Variants in ERBB4 observed in about 807,000 individuals in gnomAD.
ERBB4 encodes erb-b2 receptor tyrosine kinase 4.
In ERBB4, 42 loss-of-function variants were observed where a neutral mutation model predicts 158.0. The ratio of observed to expected loss-of-function variants is 0.27; its 90% CI spans 0.21 to 0.34. ERBB4 has a LOEUF of 0.34. Ranked by LOEUF, ERBB4 falls within the 10% of genes least tolerant of loss-of-function variation. The pLI is 1.00. For missense variants in ERBB4, 1,333 were observed against 1,624.1 expected, an observed-to-expected ratio of 0.82 and a Z score of 3.08; for synonymous variants, 583 against 558.7, an observed-to-expected ratio of 1.04 and a Z score of -0.61.
intron 9 of ERBB4, among the ~76,000 whole-genome samples, chr2:211,706,745 C>A (rs1360665986): frequency 6.6e-6 from 1 of 151,920 alleles, no homozygotes; most frequent in Non-Finnish European, 1.5e-5. Context: ...GTTGGAGAAA[C>A]ACTATAAATG....
At chr2:211,925,448 C>T (rs1392910397) in intron 3 of ERBB4, among the ~76,000 whole-genome samples, 1 of 121,086 alleles carries the variant, frequency 8.3e-6, no homozygotes, top group Non-Finnish European at 1.6e-5. Context: ...CTGGTGTGAT[C>T]TTGGCTCACT....
chr2:211,830,289 G>A (rs1009670677), intron 3 of ERBB4, among the ~76,000 whole-genome samples: 1 of 152,064 alleles, frequency 6.6e-6, no homozygotes, highest in African/African-American at 2.4e-5. Flanking sequence ...GGCATCATCA[G>A]TATCTGCTTC....
chr2:212,362,898 TATTA>T (rs1373952443), intron 1 of ERBB4, among the ~76,000 whole-genome samples: 6 of 151,388 alleles, frequency 4.0e-5, no homozygotes, highest in Non-Finnish European at 5.9e-5. Flanking sequence ...AGTTGTCAAA[TATTA>T]CTTACAGCCT....
chr2:211,586,431 G>T (rs979903735), intron 19 of ERBB4, among the ~76,000 whole-genome samples: 1 of 152,120 alleles, frequency 6.6e-6, no homozygotes, highest in South Asian at 2.1e-4. Flanking sequence ...GGGAATTCAC[G>T]TTAAAAGTAC....
chr2:211,506,074 T>G (rs2065741443), intron 20 of ERBB4, among the ~76,000 whole-genome samples: 2 of 150,752 alleles, frequency 1.3e-5, no homozygotes, highest in Admixed American at 1.3e-4. Context: ...AGACTTAAAG[T>G]AAAGGGGTAG....
Position 212,288,123 on chromosome 2 carries a change from T to C in ERBB4, c.83-163220A>G, listed in dbSNP as rs578058495. ...AATCAGAGTTGAGATTTTAAGATAG[T>C]AAGAGTGTCCTGCTGACATGAGACA... is the stretch of plus-strand genomic sequence containing the variant. On this transcript the variant is annotated intron_variant, in intron 1 of 27. Coordinates refer to ENST00000342788, the MANE Select transcript of ERBB4 (RefSeq NM_005235.3). Among the ~76,000 whole-genome samples the C allele has an allele frequency of 1.1e-4, 16 of 152,150 alleles. 1 individual carries two copies. The highest frequency in any genetic ancestry group is 1.0e-3 in the Admixed American group (16 of 15,274).
rs2077634447 is a variant in ERBB4 at position 211,848,186 on chromosome 2, T to A, written c.422-60027A>T. 2.0e-5 allele frequency among the ~76,000 whole-genome samples: 3 copies of A among 152,098 alleles called. No homozygotes were observed. The South Asian group carries it at 6.2e-4, about 31-fold the overall frequency. ...ATCTACCTGATATTGGCTCAACAAG[T>A]AGAATATTTAGAAACACAGCCCCTA... On this transcript the variant is annotated intron_variant, in intron 3 of 27. Coordinates refer to ENST00000342788, the MANE Select transcript of ERBB4 (RefSeq NM_005235.3).
chr2:211,536,772 C>T (rs1432075643), intron 20 of ERBB4, among the ~76,000 whole-genome samples: 3 of 151,912 alleles, frequency 2.0e-5, no homozygotes, highest in Non-Finnish European at 2.9e-5. Flanking sequence ...ATTTGGCCTG[C>T]ATCTCACTCT....
chr2:211,569,757 C>T (rs2067659052), intron 19 of ERBB4, among the ~76,000 whole-genome samples: 1 of 152,138 alleles, frequency 6.6e-6, no homozygotes, highest in African/African-American at 2.4e-5. Context: ...GCTCTAATGG[C>T]ATGAGATGGG....
chr2:211,850,220 T>C (rs531364638), intron 3 of ERBB4, among the ~76,000 whole-genome samples: 2 of 151,988 alleles, frequency 1.3e-5, no homozygotes, highest in African/African-American at 4.8e-5. Flanking sequence ...AATGCAATGC[T>C]TTGTCTGGGT....
chr2:211,883,286 G>A (rs1011077249), intron 3 of ERBB4, among the ~76,000 whole-genome samples: 21 of 152,040 alleles, frequency 1.4e-4, no homozygotes, highest in Admixed American at 3.9e-4. Context: ...ATCACACACC[G>A]GGCCCTGTTG....
At chr2:212,197,494 A>G (rs866324268) in intron 1 of ERBB4, among the ~76,000 whole-genome samples, 31 of 152,192 alleles carry the variant, frequency 2.0e-4, no homozygotes, top group African/African-American at 7.2e-4. Context: ...ATATGAGGAA[A>G]CTGAGGCTTA....
intron 26 of ERBB4, 126 bp from the exon 27 acceptor site, chr2:211,387,276 T>C: frequency 1.2e-6 from 1 of 845,720 alleles, no homozygotes; most frequent in Non-Finnish European, 2.0e-6. Flanking sequence ...TACTGGTTTT[T>C]TTTCCCCTAG....
intron 25 of ERBB4, among the ~76,000 whole-genome samples, chr2:211,419,051 T>C (rs2063457011): frequency 6.6e-6 from 1 of 151,904 alleles, no homozygotes; most frequent in Non-Finnish European, 1.5e-5. Flanking sequence ...AGATGCATTT[T>C]ATAAGAAAAC....
At chr2:211,739,614 C>T (rs1016477839) in intron 5 of ERBB4, among the ~76,000 whole-genome samples, 1 of 152,124 alleles carries the variant, frequency 6.6e-6, no homozygotes, top group Non-Finnish European at 1.5e-5. Flanking sequence ...CAGGCACATG[C>T]CACCAAGCCC....
chr2:211,681,553 A>G (rs1241750623), intron 12 of ERBB4, among the ~76,000 whole-genome samples: 1 of 152,196 alleles, frequency 6.6e-6, no homozygotes, highest in East Asian at 1.9e-4. Context: ...TTCAATTTCA[A>G]ACTATCTAAT....
intron 1 of ERBB4, among the ~76,000 whole-genome samples, chr2:212,332,420 C>A (rs995859684): frequency 2.6e-5 from 4 of 151,910 alleles, no homozygotes; most frequent in African/African-American, 9.7e-5. Flanking sequence ...GAAAACAGAC[C>A]AATACAGTAG....
intron 25 of ERBB4, among the ~76,000 whole-genome samples, chr2:211,398,698 G>A (rs2062972290): frequency 6.6e-6 from 1 of 152,156 alleles, no homozygotes; most frequent in Non-Finnish European, 1.5e-5. Context: ...AGATGTGATG[G>A]CATATGCCTG....
chr2:211,403,315 A>G (rs1190512781), intron 25 of ERBB4, among the ~76,000 whole-genome samples: 2 of 152,150 alleles, frequency 1.3e-5, no homozygotes, highest in Non-Finnish European at 2.9e-5. Flanking sequence ...GCCAAGGTTA[A>G]TATGCTGTAA....
Sources: allele counts gnomAD v4.1 joint callset (sites outside exome capture counted in the v4.1 genomes callset), GRCh38; gene constraint gnomAD v4.1.1; transcripts MANE v1.5; gene names NCBI Gene and HGNC (gene_info 2026-07-23, HGNC 2026-07-21).